The following DNAAF5 variants were observed in gnomAD, a reference collection of about 807,000 sequenced individuals.
DNAAF5 encodes the protein dynein axonemal assembly factor 5.
DNAAF5 carries 64 observed loss-of-function variants against 75.8 expected under a neutral mutation model. That is an observed-to-expected ratio of 0.84 (90% CI 0.69 to 1.04). The LOEUF (loss-of-function observed/expected upper bound fraction) is 1.04, where lower values mean the gene tolerates loss of function less well. DNAAF5 is among the 50% of genes least tolerant of loss of function. The pLI, the probability that DNAAF5 is intolerant of heterozygous loss-of-function variation, is 0.00. For synonymous variants in DNAAF5, 657 were observed against 557.2 expected, an observed-to-expected ratio of 1.18 and a Z score of -2.52; for missense variants, 1,269 against 1,178.5, an observed-to-expected ratio of 1.08 and a Z score of -1.12.
chr7:746,229 G>A (rs1583487784), intron 4 of DNAAF5, among the ~76,000 whole-genome samples: 2 of 118,126 alleles, frequency 1.7e-5, no homozygotes, highest in Non-Finnish European at 3.7e-5. Flanking sequence ...GCCACCCCCC[G>A]CCTGCCGTGC....
chr7:784,096 T>C (rs965596638), intron 12 of DNAAF5, among the ~76,000 whole-genome samples: 3 of 144,540 alleles, frequency 2.1e-5, no homozygotes, highest in African/African-American at 7.7e-5. Context: ...TTACCCCTCC[T>C]CGAGGCCCTG....
intron 4 of DNAAF5, among the ~76,000 whole-genome samples, chr7:746,480 A>T (rs565417373): frequency 3.3e-4 from 19 of 56,934 alleles, no homozygotes; most frequent in South Asian, 1.5e-3. Context: ...CCCCCACCCA[A>T]CATGCCCAGG....
At chr7:760,178 G>T (rs971862022) in intron 6 of DNAAF5, among the ~76,000 whole-genome samples, 1 of 152,148 alleles carries the variant, frequency 6.6e-6, no homozygotes, top group Admixed American at 6.5e-5. Context: ...GGCGGGGCCG[G>T]GGTGCAAGGA....
chr7:729,315 C>T (rs1781483816), intron 1 of DNAAF5, among the ~76,000 whole-genome samples: 1 of 152,192 alleles, frequency 6.6e-6, no homozygotes, highest in Non-Finnish European at 1.5e-5. Flanking sequence ...TTCCTCTGGC[C>T]AGTGTCCCCG....
intron 2 of DNAAF5, among the ~76,000 whole-genome samples, chr7:731,682 A>G (rs1017741128): frequency 5.4e-5 from 8 of 147,700 alleles, no homozygotes; most frequent in African/African-American, 1.2e-4. Flanking sequence ...TGTTTTTGTG[A>G]TTTTTTTTTT....
chr7:783,818 A>T (rs939654241), intron 12 of DNAAF5, among the ~76,000 whole-genome samples: 1 of 151,062 alleles, frequency 6.6e-6, no homozygotes, highest in African/African-American at 2.4e-5. Flanking sequence ...AGCTTCTCCT[A>T]CTCTCAGCCT....
In DNAAF5 at chr7:754,551, T is replaced by C. The variant is rs542841947; in HGVS notation, c.1025-38T>C. On this transcript the variant is annotated intron_variant, in intron 4 of 12. Transcript: ENST00000297440. The surrounding 1 kb of genome is among the most constrained non-coding windows in gnomAD (Gnocchi z 4.8). ...TAACTTGAGTTGTTGAGGTTTTGCTTGTGAATTTCTCATTCTTCTTTCCCT... is the reference window on the plus strand; with the variant it reads ...TAACTTGAGTTGTTGAGGTTTTGCTCGTGAATTTCTCATTCTTCTTTCCCT... 12 of 1,562,514 alleles carry C rather than the reference T, an allele frequency of 7.7e-6. No individual in the cohort carries two copies. The highest frequency in any genetic ancestry group is 1.7e-5 in the Admixed American group (1 of 59,566).
intron 1 of DNAAF5, among the ~76,000 whole-genome samples, chr7:729,241 T>TG (rs1330894584): frequency 6.6e-6 from 1 of 152,190 alleles, no homozygotes; most frequent in African/African-American, 2.4e-5. Flanking sequence ...TGGAGGAGCC[T>TG]GGGGTCTCGT....
chr7:765,000 G>GGCCA (rs911723791), intron 8 of DNAAF5, among the ~76,000 whole-genome samples: 7 of 147,356 alleles, frequency 4.8e-5, no homozygotes, highest in African/African-American at 1.9e-4. Context: ...GTGCGCCTGT[G>GGCCA]GCCCCAGCTA....
intron 12 of DNAAF5, among the ~76,000 whole-genome samples, chr7:780,382 A>T (rs907980090): frequency 6.6e-6 from 1 of 152,248 alleles, no homozygotes; most frequent in African/African-American, 2.4e-5. Context: ...AATACTTGTT[A>T]GTTGTTTAAA....
intron 4 of DNAAF5, among the ~76,000 whole-genome samples, chr7:752,737 A>G (rs1782347387): frequency 6.6e-6 from 1 of 152,264 alleles, no homozygotes; most frequent in Non-Finnish European, 1.5e-5. Context: ...GACTTCATCA[A>G]AATGAACACT....
chr7:785,348 G>C (rs1210549706), intron 12 of DNAAF5, among the ~76,000 whole-genome samples, 169 bp from the exon 13 acceptor site: 1 of 151,142 alleles, frequency 6.6e-6, no homozygotes, highest in Non-Finnish European at 1.5e-5. Context: ...TTGTGAGTCG[G>C]ATCACTCGTA....
intron 4 of DNAAF5, among the ~76,000 whole-genome samples, chr7:743,642 CT>C (rs1204447328): frequency 9.7e-4 from 120 of 123,744 alleles, no homozygotes; most frequent in South Asian, 3.4e-3. Flanking sequence ...AACGCTCGAT[CT>C]TTTTTTTTTT....
chr7:758,346 G>A (rs1228936015), intron 6 of DNAAF5, among the ~76,000 whole-genome samples: 1 of 152,210 alleles, frequency 6.6e-6, no homozygotes, highest in Non-Finnish European at 1.5e-5. Context: ...TTGGTTACAG[G>A]AAAACGGAAT....
intron 2 of DNAAF5, among the ~76,000 whole-genome samples, chr7:739,947 G>A (rs888731433): frequency 6.6e-6 from 1 of 152,208 alleles, no homozygotes; most frequent in Non-Finnish European, 1.5e-5. Context: ...GCATGGCTGG[G>A]CAGAGACGCT....
intron 2 of DNAAF5, chr7:732,440 A>G (rs1781616472): frequency 2.3e-6 from 1 of 437,076 alleles, no homozygotes; most frequent in South Asian, 1.6e-5. Context: ...CCAGGCCTGC[A>G]GTCGGCAGCT....
chr7:756,695 T>C, intron 5 of DNAAF5, 87 bp from the exon 6 acceptor site: 1 of 1,204,756 alleles, frequency 8.3e-7, no homozygotes. Flanking sequence ...TGCACGGCTG[T>C]GTCTGGGAGG....
chr7:727,374 C>T (rs1438471567), intron 1 of DNAAF5, 59 bp downstream of exon 1: 3 of 1,011,346 alleles, frequency 3.0e-6, no homozygotes, highest in Admixed American at 4.7e-5. Context: ...CCACCTCCAC[C>T]TCCGCGGCCC....
chr7:769,134 A>T (rs938189458), intron 8 of DNAAF5: 1 of 768,772 alleles, frequency 1.3e-6, no homozygotes, highest in South Asian at 1.4e-5. Context: ...TCCACTACCG[A>T]GCAGCCTGCT....
Sources: gnomAD v4.1 joint callset for allele counts (sites outside exome capture counted in the v4.1 genomes callset) on GRCh38, gnomAD v4.1.1 for gene constraint, Gnocchi (gnomAD v3.1) non-coding constraint, MANE v1.5 for transcripts, NCBI Gene and HGNC (gene_info 2026-07-23, HGNC 2026-07-21) for gene names.